Variants in SNX29 observed in about 807,000 individuals in gnomAD.
SNX29 encodes sorting nexin-29.
SNX29 carries 78 observed loss-of-function variants against 102.1 expected under a neutral mutation model. The ratio of observed to expected loss-of-function variants is 0.76; its 90% CI spans 0.64 to 0.92. The LOEUF is 0.92. Ranked by LOEUF, SNX29 falls within the 40% of genes least tolerant of loss-of-function variation. SNX29 has a pLI of 0.00. For missense variants in SNX29, 1,280 were observed against 1,061.7 expected, an observed-to-expected ratio of 1.21 and a Z score of -2.86; for synonymous variants, 580 against 414.5, an observed-to-expected ratio of 1.40 and a Z score of -4.85.
intron 13 of SNX29, among the ~76,000 whole-genome samples, chr16:12,152,438 G>A (rs1025523966): frequency 2.0e-5 from 3 of 152,180 alleles, no homozygotes; most frequent in African/African-American, 7.2e-5. Flanking sequence ...GGGAGCAGGA[G>A]ACAGTGTGGC....
chr16:12,043,294 A>G (rs2049960767), intron 5 of SNX29, among the ~76,000 whole-genome samples: 1 of 151,816 alleles, frequency 6.6e-6, no homozygotes, highest in South Asian at 2.1e-4. Context: ...ACTTGCATAC[A>G]GCCAGCTTGG....
chr16:11,983,953 G>C (rs953570178), intron 1 of SNX29, among the ~76,000 whole-genome samples: 1 of 152,102 alleles, frequency 6.6e-6, no homozygotes, highest in Non-Finnish European at 1.5e-5. Flanking sequence ...AGCACAGATA[G>C]GCATATAGTA....
intron 14 of SNX29, among the ~76,000 whole-genome samples, chr16:12,251,243 T>C (rs1197739063): frequency 1.3e-5 from 2 of 152,322 alleles, no homozygotes; most frequent in East Asian, 3.9e-4. Context: ...TCAGAAGAGC[T>C]TTTCTCAGCT....
intron 18 of SNX29, among the ~76,000 whole-genome samples, chr16:12,404,424 A>G (rs2084083806): frequency 6.6e-6 from 1 of 151,748 alleles, no homozygotes; most frequent in South Asian, 2.1e-4. Context: ...CCTCTCTCTT[A>G]CCACGGACTC....
At chr16:12,409,877 G>A (rs745568663) in intron 18 of SNX29, among the ~76,000 whole-genome samples, 2 of 152,174 alleles carry the variant, frequency 1.3e-5, no homozygotes, top group Non-Finnish European at 2.9e-5. Flanking sequence ...CAGCCTTTGC[G>A]TCTAGCGACC....
chr16:12,260,075 C>G (rs1453719692), intron 14 of SNX29, among the ~76,000 whole-genome samples: 1 of 152,208 alleles, frequency 6.6e-6, no homozygotes, highest in Admixed American at 6.5e-5. Context: ...TCTGTGACCC[C>G]TTTTTTCTCT....
chr16:12,092,836 A>G (rs1025061989), intron 11 of SNX29, among the ~76,000 whole-genome samples: 1 of 152,132 alleles, frequency 6.6e-6, no homozygotes. Flanking sequence ...CCCCTTGCCT[A>G]CTGTCTCCTT....
chr16:12,546,985 T>G (rs1456411830), intron 20 of SNX29, among the ~76,000 whole-genome samples: 1 of 152,150 alleles, frequency 6.6e-6, no homozygotes, highest in Admixed American at 6.5e-5. Flanking sequence ...CAATTAGTAC[T>G]TACAGTGCAC....
At chr16:12,077,199 A>T (rs893329959) in intron 10 of SNX29, among the ~76,000 whole-genome samples, 1 of 152,112 alleles carries the variant, frequency 6.6e-6, no homozygotes, top group Non-Finnish European at 1.5e-5. Flanking sequence ...AGATCACTTG[A>T]ACCCAGGAGT....
intron 3 of SNX29, among the ~76,000 whole-genome samples, chr16:12,003,653 C>T (rs1285281324): frequency 1.3e-5 from 2 of 152,162 alleles, no homozygotes; most frequent in Non-Finnish European, 2.9e-5. Context: ...GGGAATATTG[C>T]TTTCTAGTAT....
intron 4 of SNX29, among the ~76,000 whole-genome samples, chr16:12,033,405 CT>C (rs955865632): frequency 6.6e-6 from 1 of 151,484 alleles, no homozygotes; most frequent in Admixed American, 6.6e-5. Context: ...GCCTGGCCTC[CT>C]TTTTTCTGTT....
intron 20 of SNX29, among the ~76,000 whole-genome samples, chr16:12,564,049 T>C (rs916309433): frequency 1.4e-5 from 2 of 146,134 alleles, no homozygotes; most frequent in African/African-American, 2.4e-5. Flanking sequence ...TAAAAGGTTG[T>C]GGTTTGGCAA....
At chr16:12,434,676 TG>T (rs1224605859) in intron 18 of SNX29, among the ~76,000 whole-genome samples, 1 of 152,062 alleles carries the variant, frequency 6.6e-6, no homozygotes, top group Non-Finnish European at 1.5e-5. Flanking sequence ...GCACAACGGC[TG>T]GGGGCTTTCT....
intron 1 of SNX29, among the ~76,000 whole-genome samples, chr16:11,995,273 C>T (rs146331462): frequency 3.3e-5 from 5 of 152,212 alleles, no homozygotes; most frequent in Admixed American, 2.0e-4. Flanking sequence ...GCCATGTTGG[C>T]CAGGCTGGTC....
chr16:12,570,243 A>G lies in SNX29; in HGVS notation c.*1614A>G, dbSNP rs1019235328. On this transcript the variant is annotated 3_prime_UTR_variant, in exon 21 of 21. Coordinates refer to ENST00000566228, the MANE Select transcript of SNX29 (RefSeq NM_032167.5). The stretch of plus-strand genomic sequence containing the variant: ...GATAAGCCCTGCCCCGGTGAGACCA[A>G]ATGAGCTGGAGCATGTATGGAGGTG... 4 of 1,065,176 alleles carry G rather than the reference A, an allele frequency of 3.8e-6. No homozygotes were observed. The highest frequency in any genetic ancestry group is 4.5e-6 in the Non-Finnish European group (4 of 879,196). The allele number at this position is 1,065,176 out of a possible 1,614,324, so 66.0% of individuals were successfully genotyped here.
intron 18 of SNX29, among the ~76,000 whole-genome samples, chr16:12,433,552 A>C (rs1483065760): frequency 6.8e-6 from 1 of 147,990 alleles, no homozygotes; most frequent in African/African-American, 2.5e-5. Context: ...AATCGCTTGA[A>C]CCCGGGAGGT....
chr16:12,556,604 A>T (rs2078366498), intron 20 of SNX29: 1 of 152,284 alleles, frequency 6.6e-6, no homozygotes, highest in Non-Finnish European at 1.5e-5. Context: ...TTGGGGTCTG[A>T]GGAAGGGTCA....
At chr16:12,551,585 G>A (rs2077979873) in intron 20 of SNX29, among the ~76,000 whole-genome samples, 1 of 152,154 alleles carries the variant, frequency 6.6e-6, no homozygotes. Flanking sequence ...CAAAAGGCTG[G>A]AACAAATTCT....
chr16:12,367,782 C>T (rs374050428), intron 16 of SNX29, among the ~76,000 whole-genome samples: 18 of 152,350 alleles, frequency 1.2e-4, no homozygotes, highest in African/African-American at 2.9e-4. Context: ...TTTAACTCAG[C>T]GCTTGGACAT....
Sources: allele counts gnomAD v4.1 joint callset (sites outside exome capture counted in the v4.1 genomes callset), GRCh38; gene constraint gnomAD v4.1.1; transcripts MANE v1.5; gene names NCBI Gene and HGNC (gene_info 2026-07-23, HGNC 2026-07-21).